Variants in WDR47 observed in about 807,000 individuals in gnomAD.
WDR47 encodes the protein WD repeat-containing protein 47.
In WDR47, 32 loss-of-function variants were observed where a neutral mutation model predicts 97.2. The observed-to-expected ratio is 0.33, with a 90% CI of 0.25 to 0.44. WDR47 has a LOEUF of 0.44. WDR47 is among the 20% of genes least tolerant of loss of function. The pLI is 1.00. For synonymous variants in WDR47, 375 were observed against 373.5 expected (o/e 1.00, Z -0.05); for missense variants, 782 against 1,102.3 (o/e 0.71, Z 4.11).
intron 2 of WDR47, among the ~76,000 whole-genome samples, chr1:109,018,107 T>C (rs146577900): frequency 6.6e-6 from 1 of 152,256 alleles, no homozygotes; most frequent in Non-Finnish European, 1.5e-5. Flanking sequence ...TTTGTGAATC[T>C]GCAACCACTC....
intron 7 of WDR47, among the ~76,000 whole-genome samples, chr1:108,999,160 G>A (rs996768208): frequency 2.6e-5 from 4 of 151,850 alleles, no homozygotes; most frequent in African/African-American, 9.7e-5. Flanking sequence ...CTGGGAGGCA[G>A]AGGTTTCAGT....
intron 14 of WDR47, among the ~76,000 whole-genome samples, chr1:108,973,530 C>A (rs538321003): frequency 6.6e-6 from 1 of 152,222 alleles, no homozygotes; most frequent in African/African-American, 2.4e-5. Context: ...GACCTAATTA[C>A]AAAGATTGTA....
chr1:109,003,609 C>G (rs1266251063), intron 6 of WDR47, among the ~76,000 whole-genome samples: 3 of 152,142 alleles, frequency 2.0e-5, no homozygotes, highest in Non-Finnish European at 4.4e-5. Flanking sequence ...CCAAGCGATT[C>G]TCCTGCCTCA....
chr1:109,001,844 CTG>C (rs1287166577), intron 7 of WDR47, among the ~76,000 whole-genome samples: 1 of 151,982 alleles, frequency 6.6e-6, no homozygotes. Flanking sequence ...TGAGCCAAGA[CTG>C]TGCCTCTGCA....
chr1:109,008,309 C>T (rs1356574758), intron 5 of WDR47, among the ~76,000 whole-genome samples: 2 of 151,680 alleles, frequency 1.3e-5, no homozygotes, highest in African/African-American at 2.4e-5. Context: ...CTTACTCTGT[C>T]GCCTAGGCTG....
In WDR47 at chr1:108,971,588, G is replaced by A. The variant is rs771689590; in HGVS notation, c.2618-16C>T. On this transcript the variant is annotated splice_polypyrimidine_tract_variant and intron_variant, in intron 14 of 14. Coordinates refer to ENST00000369962, the MANE Select transcript of WDR47 (RefSeq NM_001142551.2). ...GTGAGGTCCCCTAAATTACAAAAGA[G>A]ATGTTGATTTACAATGCAAAATAAG... The A allele has an allele frequency of 6.2e-7, 1 of 1,613,948 alleles. No individual in the cohort carries two copies. Among genetic ancestry groups the A allele is most frequent in the South Asian group, 1.1e-5 (1 of 91,060 alleles).
At chr1:109,004,445 G>T in intron 6 of WDR47, 147 bp downstream of exon 6, 1 of 998,402 alleles carries the variant, frequency 1.0e-6, no homozygotes, top group Non-Finnish European at 1.4e-6. Context: ...TTGAAGAGAG[G>T]AGAGAAAATA....
intron 4 of WDR47, among the ~76,000 whole-genome samples, chr1:109,012,062 C>T (rs723281): frequency 0.03 from 4,518 of 152,162 alleles, 123 homozygotes; most frequent in Non-Finnish European, 0.044. Context: ...TCAAGTGATC[C>T]CCAGCCTCTA....
chr1:109,030,633 ACATGG>A, intron 1 of WDR47, among the ~76,000 whole-genome samples: 1 of 141,672 alleles, frequency 7.1e-6, no homozygotes, highest in Non-Finnish European at 1.6e-5. Flanking sequence ...AGAGTGCCTA[ACATGG>A]AACAATAGTG....
chr1:109,017,624 C>T (rs766938289), intron 2 of WDR47, 23 bp from the exon 3 acceptor site: 1 of 1,587,406 alleles, frequency 6.3e-7, no homozygotes, highest in Non-Finnish European at 8.6e-7. Flanking sequence ...TTTAAAAAAA[C>T]CAGCATGTCA....
In WDR47 at chr1:109,014,446, T is replaced by G. The variant is rs533923524; in HGVS notation, c.243-521A>C. 2.7e-4 allele frequency among the ~76,000 whole-genome samples: 41 copies of G among 152,028 alleles called. No homozygotes were observed. In the East Asian group the frequency reaches 7.9e-3, roughly 29 times the overall value. The stretch of plus-strand genomic sequence containing the variant: ...AAGCTTTTTTCCTTTTCTTTTTTTT[T>G]TTTAGAGACAGAGTCTTCTGCTCTG... On this transcript the variant is annotated intron_variant, in intron 3 of 14. Coordinates refer to ENST00000369962, the MANE Select transcript of WDR47 (RefSeq NM_001142551.2).
intron 5 of WDR47, among the ~76,000 whole-genome samples, chr1:109,007,033 G>A (rs935598385): frequency 7.2e-5 from 11 of 151,884 alleles, no homozygotes; most frequent in African/African-American, 2.7e-4. Flanking sequence ...AACCTCCTGG[G>A]CTCAATTGAT....
intron 13 of WDR47, among the ~76,000 whole-genome samples, chr1:108,977,055 T>A (rs1198724720): frequency 6.6e-6 from 1 of 152,170 alleles, no homozygotes; most frequent in Non-Finnish European, 1.5e-5. Context: ...TGAAAGTGTA[T>A]GGTAAGGAAG....
At chr1:108,985,622 C>T (rs567962655) in intron 10 of WDR47, among the ~76,000 whole-genome samples, 1 of 152,210 alleles carries the variant, frequency 6.6e-6, no homozygotes, top group South Asian at 2.1e-4. Flanking sequence ...ACATAGGAGC[C>T]CAAAATATAT....
intron 13 of WDR47, 94 bp downstream of exon 13, chr1:108,981,638 AT>A (rs1332488328): frequency 2.5e-5 from 31 of 1,245,688 alleles, no homozygotes; most frequent in Non-Finnish European, 3.2e-5. Flanking sequence ...TTATTTCACA[AT>A]TTTTTCTATT....
chr1:109,004,450 A>G, intron 6 of WDR47, 142 bp downstream of exon 6: 1 of 1,062,286 alleles, frequency 9.4e-7, no homozygotes, highest in Non-Finnish European at 1.3e-6. Context: ...GAGAGGAGAG[A>G]AAATAAGCTA....
At chr1:109,029,302 A>AT (rs2102024288) in intron 1 of WDR47, among the ~76,000 whole-genome samples, 1 of 152,262 alleles carries the variant, frequency 6.6e-6, no homozygotes, top group Non-Finnish European at 1.5e-5. Flanking sequence ...AGGCAGGTGG[A>AT]TCACGAGGTC....
chr1:109,017,271 C>T (rs1243170672), intron 3 of WDR47, among the ~76,000 whole-genome samples: 1 of 152,086 alleles, frequency 6.6e-6, no homozygotes, highest in Non-Finnish European at 1.5e-5. Flanking sequence ...GCTGATGGTA[C>T]ACGCCTGTAT....
At chr1:108,971,804 G>A (rs1389151115) in intron 14 of WDR47, among the ~76,000 whole-genome samples, 1 of 151,678 alleles carries the variant, frequency 6.6e-6, no homozygotes, top group East Asian at 1.9e-4. Flanking sequence ...TCTCTCTCTC[G>A]GAAATTCTCT....
Sources: allele counts gnomAD v4.1 joint callset (sites outside exome capture counted in the v4.1 genomes callset), GRCh38; gene constraint gnomAD v4.1.1; transcripts MANE v1.5; gene names NCBI Gene and HGNC (gene_info 2026-07-23, HGNC 2026-07-21).